MLLT3: variants seen among roughly 807,000 people sequenced by gnomAD.
MLLT3 encodes MLLT3 super elongation complex subunit, also known as protein AF-9.
Under a neutral mutation model 53.2 loss-of-function variants are expected in MLLT3, and 4 were observed. The observed-to-expected ratio is 0.08, with a 90% CI of 0.04 to 0.17. The LOEUF (loss-of-function observed/expected upper bound fraction) is 0.17. MLLT3 is among the 10% of genes least tolerant of loss of function. MLLT3 has a pLI of 1.00. For synonymous variants in MLLT3, 283 were observed against 230.6 expected (o/e 1.23, Z -2.06); for missense variants, 569 against 684.0 (o/e 0.83, Z 1.87).
At chr9:20,451,991 T>C (rs1214809577) in intron 3 of MLLT3, among the ~76,000 whole-genome samples, 1 of 152,166 alleles carries the variant, frequency 6.6e-6, no homozygotes, top group Non-Finnish European at 1.5e-5. Flanking sequence ...CCACCCCTCT[T>C]GACCCTGACA....
At chr9:20,503,834 G>C (rs1825311054) in intron 2 of MLLT3, among the ~76,000 whole-genome samples, 1 of 151,946 alleles carries the variant, frequency 6.6e-6, no homozygotes, top group Non-Finnish European at 1.5e-5. Context: ...AAATATATGA[G>C]GAACTCAAAC....
chr9:20,557,974 AC>A, intron 2 of MLLT3, among the ~76,000 whole-genome samples: 1 of 152,288 alleles, frequency 6.6e-6, no homozygotes, highest in South Asian at 2.1e-4. Context: ...CCAAAAAATA[AC>A]TGGATAGACG....
intron 3 of MLLT3, among the ~76,000 whole-genome samples, chr9:20,453,408 A>G (rs1320794828): frequency 6.6e-6 from 1 of 152,140 alleles, no homozygotes; most frequent in African/African-American, 2.4e-5. Flanking sequence ...AAAAATTACA[A>G]AAATTAGCCG....
At chr9:20,545,096 C>CA (rs60850984) in intron 2 of MLLT3, among the ~76,000 whole-genome samples, 1,293 of 48,082 alleles carry the variant, frequency 0.027, 268 homozygotes, top group African/African-American at 0.048. Flanking sequence ...CCTATCTCTA[C>CA]AAAAAAAAAA....
At chr9:20,618,895 C>A (rs940330478) in intron 2 of MLLT3, among the ~76,000 whole-genome samples, 10 of 152,182 alleles carry the variant, frequency 6.6e-5, no homozygotes, top group African/African-American at 2.2e-4. Flanking sequence ...AACAAAGTTA[C>A]CTTAAGAGCT....
chr9:20,541,470 A>T (rs1563808910), intron 2 of MLLT3, among the ~76,000 whole-genome samples: 2 of 152,232 alleles, frequency 1.3e-5, no homozygotes, highest in Non-Finnish European at 2.9e-5. Flanking sequence ...AGGACTCAGG[A>T]AACTTACAAT....
intron 2 of MLLT3, among the ~76,000 whole-genome samples, chr9:20,570,756 T>C (rs1158445452): frequency 6.9e-6 from 1 of 144,810 alleles, no homozygotes; most frequent in Non-Finnish European, 1.5e-5. Flanking sequence ...CGATTGTTCT[T>C]CTTTAAAAAG....
chr9:20,437,270 T>A (rs1400989720), intron 4 of MLLT3, among the ~76,000 whole-genome samples: 3 of 152,186 alleles, frequency 2.0e-5, no homozygotes, highest in Admixed American at 2.0e-4. Flanking sequence ...TCTATGTTGC[T>A]CTGCAGTACA....
At chr9:20,407,005 A>G (rs1004247280) in intron 5 of MLLT3, among the ~76,000 whole-genome samples, 1 of 152,228 alleles carries the variant, frequency 6.6e-6, no homozygotes, top group Admixed American at 6.5e-5. Context: ...ACAATTTCTC[A>G]AACTTGGTTA....
chr9:20,555,191 A>G (rs1819024554), intron 2 of MLLT3, among the ~76,000 whole-genome samples: 1 of 152,182 alleles, frequency 6.6e-6, no homozygotes, highest in Non-Finnish European at 1.5e-5. Context: ...CTGACCCCAC[A>G]AATCATCTTA....
At chr9:20,585,884 C>G (rs755717985) in intron 2 of MLLT3, among the ~76,000 whole-genome samples, 36 of 152,142 alleles carry the variant, frequency 2.4e-4, no homozygotes, top group Non-Finnish European at 4.7e-4. Context: ...ACTAAACAGA[C>G]TGCTATAATT....
At chr9:20,425,950 G>A (rs563513996) in intron 4 of MLLT3, among the ~76,000 whole-genome samples, 1 of 151,764 alleles carries the variant, frequency 6.6e-6, no homozygotes, top group East Asian at 1.9e-4. Context: ...GTACTGATTG[G>A]CAAAAATATT....
chr9:20,497,251 A>G (rs1241388431), intron 2 of MLLT3, among the ~76,000 whole-genome samples: 1 of 152,184 alleles, frequency 6.6e-6, no homozygotes, highest in Non-Finnish European at 1.5e-5. Context: ...ATTTTTTTCT[A>G]TAACTTTTCA....
intron 2 of MLLT3, among the ~76,000 whole-genome samples, chr9:20,463,006 A>G (rs1258228003): frequency 1.3e-5 from 2 of 152,170 alleles, no homozygotes; most frequent in Admixed American, 1.3e-4. Flanking sequence ...CAATACAAAT[A>G]AAGTTTACAT....
intron 2 of MLLT3, among the ~76,000 whole-genome samples, chr9:20,595,445 A>C (rs1264592710): frequency 6.6e-6 from 1 of 152,116 alleles, no homozygotes; most frequent in African/African-American, 2.4e-5. Flanking sequence ...TTATAATTTT[A>C]TATTACCACA....
chr9:20,611,518 T>C (rs890346289), intron 2 of MLLT3, among the ~76,000 whole-genome samples: 5 of 152,104 alleles, frequency 3.3e-5, no homozygotes, highest in Non-Finnish European at 7.4e-5. Flanking sequence ...CAAAATCAAA[T>C]ATTTTAAAAT....
intron 3 of MLLT3, among the ~76,000 whole-genome samples, chr9:20,453,793 T>C (rs1282841277): frequency 6.6e-6 from 1 of 152,212 alleles, no homozygotes; most frequent in African/African-American, 2.4e-5. Flanking sequence ...GATTTACTCA[T>C]GTTGCCACAT....
intron 2 of MLLT3, among the ~76,000 whole-genome samples, chr9:20,618,461 A>G (rs139388776): frequency 1.6e-4 from 25 of 152,328 alleles, no homozygotes; most frequent in Admixed American, 1.1e-3. Flanking sequence ...CAGTATGACA[A>G]GGTCTCTCCT....
chr9:20,349,767 C>G (rs1368813206), intron 10 of MLLT3, among the ~76,000 whole-genome samples: 1 of 152,198 alleles, frequency 6.6e-6, no homozygotes, highest in Non-Finnish European at 1.5e-5. Context: ...CCATCACCAC[C>G]CGCTACCTCC....
Sources: allele counts gnomAD v4.1 joint callset (sites outside exome capture counted in the v4.1 genomes callset), GRCh38; gene constraint gnomAD v4.1.1; transcripts MANE v1.5; gene names NCBI Gene and HGNC (gene_info 2026-07-23, HGNC 2026-07-21).